Variants in AGL observed in about 807,000 individuals in gnomAD.
AGL encodes amylo-alpha-1,6-glucosidase and 4-alpha-glucanotransferase.
AGL carries 128 observed loss-of-function variants against 199.3 expected under a neutral mutation model. The observed-to-expected ratio is 0.64, with a 90% confidence interval of 0.56 to 0.74. The LOEUF is 0.74. AGL is among the 30% of genes least tolerant of loss of function. The pLI is 0.00. For missense variants in AGL, 1,809 were observed against 1,820.8 expected, an observed-to-expected ratio of 0.99 and a Z score of 0.12; for synonymous variants, 584 against 594.7, an observed-to-expected ratio of 0.98 and a Z score of 0.26.
At position 99,922,254 on chromosome 1, in the gene AGL, T is replaced by C. The variant is rs1246956460; in HGVS notation, c.*603T>C. On this transcript the variant is annotated 3_prime_UTR_variant, in exon 34 of 34. Transcript: ENST00000361915. ...TAATGAATGCCAACAGTATATTTTATATGATTTACTTATGTGAGGAAACAT... is the reference window on the plus strand; with the variant it reads ...TAATGAATGCCAACAGTATATTTTACATGATTTACTTATGTGAGGAAACAT... 6.6e-6 allele frequency: 1 copy of C among 151,932 alleles called. No homozygotes were observed. The highest frequency in any genetic ancestry group is 1.5e-5 in the Non-Finnish European group (1 of 67,874). The allele number at this position is 151,932 out of a possible 1,614,324, so 9.4% of individuals were successfully genotyped here. A position where few individuals can be genotyped will look rare whatever the true frequency, so the allele number is the denominator to read the frequency against.
At position 99,875,231 on chromosome 1, in the gene AGL, G is replaced by A. The variant is rs17121464; in HGVS notation, c.1160G>A (p.Arg387Gln). The A allele has an allele frequency of 0.019, 30,520 of 1,613,966 alleles. 2,309 individuals carry two copies. The highest frequency in any genetic ancestry group is 0.19 in the East Asian group (8,309 of 44,860). ...RMEELNSEKH[R>Q]LINYHQEQAV... ...GAGGAATTAAATTCAGAGAAGCATC[G>A]ACTCATTAACTATCATCAGGAACAG... Residue 387 changes from arginine (R) to glutamine (Q), a missense_variant, in exon 9 of 34, where the codon CGA (arginine) becomes CAA (glutamine). Arg to Gln is a conservative substitution (Grantham distance 43, BLOSUM62 1). Transcript: ENST00000361915.
rs750827762 is a variant in AGL, at chr1:99,877,752, A to T, written c.1535A>T (p.Tyr512Phe). 2.5e-6 allele frequency: 4 copies of T among 1,614,140 alleles called. No individual in the cohort carries two copies. The highest frequency in any genetic ancestry group is 2.5e-6 in the Non-Finnish European group (3 of 1,179,990). Residue 512 changes from tyrosine to phenylalanine, a missense_variant, in exon 12 of 34, where the codon TAC (tyrosine) becomes TTC (phenylalanine). Tyr to Phe is a conservative substitution (Grantham distance 22). Coordinates refer to ENST00000361915, the MANE Select transcript of AGL (RefSeq NM_000642.3). ...TATCTCTGGGCACACATGAAAAAAT[A>T]CACTGAAATAACTGCAACTTATTTC... ...CPYLWAHMKKYTEITATYFQG... is the reference protein window; with the variant it reads ...CPYLWAHMKKFTEITATYFQG...
At chr1:99,874,532 A>T in intron 7 of AGL, 155 bp from the exon 8 acceptor site, 1 of 728,392 alleles carries the variant, frequency 1.4e-6, no homozygotes, top group Non-Finnish European at 2.3e-6. Context: ...TGCACACAGC[A>T]GGATGAGAAG....
intron 13 of AGL, 80 bp downstream of exon 13, chr1:99,880,126 C>T (rs1192792519): frequency 3.8e-6 from 6 of 1,573,274 alleles, no homozygotes; most frequent in Admixed American, 1.7e-5. Context: ...GCTTCATATG[C>T]AATGCTTAAT....
intron 33 of AGL, among the ~76,000 whole-genome samples, chr1:99,919,572 A>G (rs1022252317): frequency 2.6e-5 from 4 of 152,230 alleles, no homozygotes; most frequent in African/African-American, 9.6e-5. Context: ...GGAATATATA[A>G]TAATACATAA....
At chr1:99,861,820 T>C in intron 3 of AGL, 107 bp downstream of exon 3, 2 of 1,267,822 alleles carry the variant, frequency 1.6e-6, no homozygotes, top group Admixed American at 3.4e-5. Context: ...GCAATTTTTA[T>C]AGTGCTTCCT....
chr1:99,912,259 T>C lies in AGL; in HGVS notation c.3837-146T>C, dbSNP rs1570507910. Reference sequence around the variant, plus strand: ...GTGAGAGGAAAAAATCTTTACATGATATAGTACACATTCCTATAGAGTAAG... The same window carrying C: ...GTGAGAGGAAAAAATCTTTACATGACATAGTACACATTCCTATAGAGTAAG... On this transcript the variant is annotated intron_variant, in intron 28 of 33. Transcript: ENST00000361915. The C allele has an allele frequency of 2.3e-5, 15 of 653,336 alleles. No homozygotes were observed. The East Asian group carries it at 4.1e-4, about 18-fold the overall frequency. The allele number at this position is 653,336 out of a possible 1,614,324, so 40.5% of individuals were successfully genotyped here. A position where few individuals can be genotyped will look rare whatever the true frequency, so the allele number is the denominator to read the frequency against.
At chr1:99,887,181 A>C (rs1364283497) in intron 20 of AGL, among the ~76,000 whole-genome samples, 1 of 152,226 alleles carries the variant, frequency 6.6e-6, no homozygotes, top group Non-Finnish European at 1.5e-5. Flanking sequence ...ATTCAAGAGG[A>C]TATGTGTTCA....
At chr1:99,896,955 T>G (rs1248822041) in intron 25 of AGL, among the ~76,000 whole-genome samples, 3 of 152,130 alleles carry the variant, frequency 2.0e-5, no homozygotes, top group South Asian at 2.1e-4. Context: ...TAGCTGAGAT[T>G]ACAGGCGCCC....
intron 21 of AGL, among the ~76,000 whole-genome samples, chr1:99,890,648 A>AT (rs979902695): frequency 3.0e-4 from 36 of 119,270 alleles, no homozygotes; most frequent in African/African-American, 9.7e-4. Context: ...TAAGAAAAAA[A>AT]AAATATATAT....
At chr1:99,852,351 C>CT (rs11363065) in intron 2 of AGL, among the ~76,000 whole-genome samples, 259 of 97,510 alleles carry the variant, frequency 2.7e-3, no homozygotes, top group Middle Eastern at 6.1e-3. Flanking sequence ...GCATTCATTT[C>CT]TTTTTTTTTT....
chr1:99,887,333 A>G (rs1376231096), intron 20 of AGL, among the ~76,000 whole-genome samples: 1 of 152,168 alleles, frequency 6.6e-6, no homozygotes, highest in Non-Finnish European at 1.5e-5. Flanking sequence ...AGGCCATGAT[A>G]GTCTTCCCTC....
intron 20 of AGL, among the ~76,000 whole-genome samples, chr1:99,886,967 C>G (rs934804159): frequency 2.0e-5 from 3 of 152,160 alleles, no homozygotes; most frequent in South Asian, 2.1e-4. Flanking sequence ...TATAAGATCC[C>G]CAGGTAATTT....
In AGL at chr1:99,902,761, G is replaced by C. The variant is rs1235432395; in HGVS notation, c.3667G>C (p.Gly1223Arg). The change falls in exon 27 of 34, where the codon GGT (glycine) becomes CGT (arginine). Residue 1223 changes from glycine to arginine, a missense_variant. By Grantham distance (125) the Gly-to-Arg change is moderately radical (BLOSUM62 -2). Coordinates refer to ENST00000361915, the MANE Select transcript of AGL (RefSeq NM_000642.3). ...CATACAGTTCCGAGAAAGGAATGCT[G>C]GTCCCCAGATAGATCGAAACATGAA... ...QGIQFRERNA[G>R]PQIDRNMKDE... 2 of 1,613,246 alleles carry C rather than the reference G, an allele frequency of 1.2e-6. No individual in the cohort carries two copies. The highest frequency in any genetic ancestry group is 1.7e-6 in the Non-Finnish European group (2 of 1,179,482).
chr1:99,857,854 A>ACTGTGGGG (rs1649691324), intron 2 of AGL, among the ~76,000 whole-genome samples: 1 of 110,646 alleles, frequency 9.0e-6, no homozygotes, highest in Non-Finnish European at 1.9e-5. Context: ...GGGAGGGGGG[A>ACTGTGGGG]AGAGGGAGAG....
intron 20 of AGL, among the ~76,000 whole-genome samples, chr1:99,886,568 A>G (rs1218118521): frequency 6.6e-6 from 1 of 152,244 alleles, no homozygotes; most frequent in African/African-American, 2.4e-5. Flanking sequence ...GTAAAACACA[A>G]TAGTTTTTGA....
At chr1:99,912,813 G>A (rs1031504063) in intron 29 of AGL, among the ~76,000 whole-genome samples, 3 of 152,166 alleles carry the variant, frequency 2.0e-5, no homozygotes, top group Non-Finnish European at 4.4e-5. Flanking sequence ...ATCTTTACAT[G>A]TCTTTTTCTA....
At position 99,862,279 on chromosome 1, in the gene AGL, T is replaced by C. The variant is rs1650110037; in HGVS notation, c.316T>C (p.Tyr106His). Residue 106 changes from tyrosine (Y) to histidine (H), a missense_variant, in exon 4 of 34, where the codon TAC becomes CAC. Transcript: ENST00000361915. ...LQGNEKSGGG[Y>H]IVVDPILRVG... ...TAGAAATGAGAAAAGTGGTGGAGGTTACATAGTTGTGGACCCCATTTTACG... is the reference window on the plus strand; with the variant it reads ...TAGAAATGAGAAAAGTGGTGGAGGTCACATAGTTGTGGACCCCATTTTACG... 3 of 1,614,104 alleles carry C rather than the reference T, an allele frequency of 1.9e-6. No homozygotes were observed. In the East Asian group the frequency reaches 6.7e-5, roughly 36 times the overall value.
rs748721467 is a variant in AGL, at chr1:99,852,630, C to T, written c.82+1506C>T. On this transcript the variant is annotated intron_variant, in intron 2 of 33. Coordinates refer to ENST00000361915, the MANE Select transcript of AGL (RefSeq NM_000642.3). ...GACTCAAGCAACCCTCCCTCTTTGG[C>T]CTCTGAAAGTACTGGGATTACAAGC... The T allele has an allele frequency of 1.5e-5, 11 of 755,052 alleles. No homozygotes were observed. In the African/African-American group the frequency reaches 1.7e-4, roughly 12 times the overall value. 46.8% of individuals were successfully genotyped at this position (755,052 alleles called of 1,614,324 possible).
Sources: gnomAD v4.1 joint callset for allele counts (sites outside exome capture counted in the v4.1 genomes callset) on GRCh38, gnomAD v4.1.1 for gene constraint, MANE v1.5 for transcripts, NCBI Gene and HGNC (gene_info 2026-07-23, HGNC 2026-07-21) for gene names.